Variants in PIGF observed in about 807,000 individuals in gnomAD.
PIGF encodes the protein GPI ethanolamine phosphate transferase, stabilizing subunit.
In PIGF, 23 loss-of-function variants were observed where a neutral mutation model predicts 26.0. That is an observed-to-expected ratio of 0.88 (90% CI 0.64 to 1.25). The LOEUF is 1.25. Among genes scored for constraint, PIGF ranks in the 50% most tolerant of loss-of-function variants. The pLI, the probability that PIGF is intolerant of heterozygous loss-of-function variation, is 0.00. For missense variants in PIGF, 278 were observed against 249.9 expected (o/e 1.11, Z -0.76); for synonymous variants, 93 against 92.6 (o/e 1.00, Z -0.03).
At chr2:46,610,196 T>C (rs1354367780) in intron 4 of PIGF, among the ~76,000 whole-genome samples, 1 of 152,226 alleles carries the variant, frequency 6.6e-6, no homozygotes, top group Non-Finnish European at 1.5e-5. Context: ...CTGTGGTTTT[T>C]ACTGCCCATT....
chr2:46,610,913 T>A (rs2104136050), intron 4 of PIGF, among the ~76,000 whole-genome samples: 1 of 152,336 alleles, frequency 6.6e-6, no homozygotes, highest in East Asian at 1.9e-4. Flanking sequence ...CTCATTGGGC[T>A]GTTACCTTTC....
intron 5 of PIGF, among the ~76,000 whole-genome samples, chr2:46,591,157 G>A (rs1043194318): frequency 6.6e-6 from 1 of 152,052 alleles, no homozygotes; most frequent in African/African-American, 2.4e-5. Flanking sequence ...TGACCTAAAT[G>A]TTCTTTAATA....
chr2:46,608,084 C>A (rs1322992553), intron 4 of PIGF, among the ~76,000 whole-genome samples: 2 of 152,232 alleles, frequency 1.3e-5, no homozygotes, highest in Non-Finnish European at 2.9e-5. Flanking sequence ...TGTAGCGTGC[C>A]ATGCTGTTTG....
chr2:46,586,481 T>A (rs1257946413), intron 5 of PIGF, among the ~76,000 whole-genome samples: 5 of 152,182 alleles, frequency 3.3e-5, no homozygotes, highest in Admixed American at 3.3e-4. Flanking sequence ...AGATTTACAC[T>A]GTCACAGATA....
intron 4 of PIGF, among the ~76,000 whole-genome samples, chr2:46,611,459 G>A (rs1353021523): frequency 6.6e-6 from 1 of 151,126 alleles, no homozygotes; most frequent in African/African-American, 2.4e-5. Context: ...ACTCCAGCCT[G>A]GCGACAGAGC....
rs747263045 is a variant in PIGF at position 46,598,529 on chromosome 2, A to ATTTTTTTT, written c.438-5954_438-5947dup. 2.1e-4 allele frequency among the ~76,000 whole-genome samples: 22 copies of ATTTTTTTT among 103,506 alleles called. 2 individuals are homozygous for ATTTTTTTT. Among genetic ancestry groups the ATTTTTTTT allele is most frequent in the African/African-American group, 8.5e-4 (19 of 22,404 alleles). 67.9% of individuals were successfully genotyped at this position (103,506 alleles called of 152,430 possible). A position where few individuals can be genotyped will look rare whatever the true frequency, so the allele number is the denominator to read the frequency against. On this transcript the variant is annotated intron_variant, in intron 4 of 5. Transcript: ENST00000281382. ...ATAAACTTTCTTAAAACATTATGAG[A>ATTTTTTTT]TTTTTTTTTTTTTTTTTTTTTTTTA... is the stretch of plus-strand genomic sequence containing the variant.
intron 4 of PIGF, among the ~76,000 whole-genome samples, chr2:46,603,298 C>G (rs1216606649): frequency 2.0e-5 from 3 of 152,004 alleles, no homozygotes; most frequent in African/African-American, 7.2e-5. Flanking sequence ...AAGCAATCCA[C>G]AGATTCAATG....
intron 4 of PIGF, among the ~76,000 whole-genome samples, chr2:46,600,979 G>A (rs1387506330): frequency 6.6e-6 from 1 of 151,752 alleles, no homozygotes; most frequent in Admixed American, 6.6e-5. Flanking sequence ...TTGCTTCCAT[G>A]ATAGCATTAC....
chr2:46,591,994 CA>C (rs1669735282), intron 5 of PIGF: 10 of 1,290,744 alleles, frequency 7.7e-6, no homozygotes, highest in Admixed American at 2.3e-5. Flanking sequence ...TATAAGACCA[CA>C]AGGGCAATAA....
intron 4 of PIGF, among the ~76,000 whole-genome samples, chr2:46,605,608 T>C (rs1178427569): frequency 1.3e-5 from 2 of 152,162 alleles, no homozygotes; most frequent in African/African-American, 4.8e-5. Context: ...TCTAATCATA[T>C]TACATATGTG....
At position 46,615,196 on chromosome 2, in the gene PIGF, A is replaced by G. The variant is rs749538592; in HGVS notation, c.-21-11T>C. ...TTCTTGGATGGCTAGCTAACAAAAAACAAGAAAAGAAGAGCATATGCAATA... is the reference window on the plus strand; with the variant it reads ...TTCTTGGATGGCTAGCTAACAAAAAGCAAGAAAAGAAGAGCATATGCAATA... On this transcript the variant is annotated splice_polypyrimidine_tract_variant and intron_variant, in intron 1 of 5. Transcript: ENST00000281382. The G allele has an allele frequency of 9.2e-7, 1 of 1,083,242 alleles. No individual in the cohort carries two copies. Among genetic ancestry groups the G allele is most frequent in the East Asian group, 2.4e-5 (1 of 42,326 alleles). The allele number at this position is 1,083,242 out of a possible 1,614,324, so 67.1% of individuals were successfully genotyped here. A position where few individuals can be genotyped will look rare whatever the true frequency, so the allele number is the denominator to read the frequency against.
intron 5 of PIGF, among the ~76,000 whole-genome samples, chr2:46,586,391 T>A (rs1042742225): frequency 6.6e-6 from 1 of 152,232 alleles, no homozygotes; most frequent in African/African-American, 2.4e-5. Context: ...AAGATTAAAT[T>A]ATTTAATTTT....
intron 5 of PIGF, among the ~76,000 whole-genome samples, chr2:46,586,382 A>G (rs986977089): frequency 1.3e-5 from 2 of 152,218 alleles, no homozygotes; most frequent in Non-Finnish European, 2.9e-5. Context: ...GTGTAAACTA[A>G]GATTAAATTA....
At chr2:46,598,134 C>T (rs891776383) in intron 4 of PIGF, among the ~76,000 whole-genome samples, 1 of 151,710 alleles carries the variant, frequency 6.6e-6, no homozygotes, top group African/African-American at 2.4e-5. Flanking sequence ...TCTCTACTTC[C>T]GTTGAGTATT....
At chr2:46,592,673 T>C in intron 4 of PIGF, 90 bp from the exon 5 acceptor site, 1 of 678,338 alleles carries the variant, frequency 1.5e-6, no homozygotes, top group Admixed American at 2.4e-5. Context: ...TCAGTATACA[T>C]ATATTTCCTG....
intron 4 of PIGF, among the ~76,000 whole-genome samples, chr2:46,602,323 T>C (rs1335102151): frequency 6.6e-6 from 1 of 152,094 alleles, no homozygotes; most frequent in East Asian, 1.9e-4. Context: ...GTAGTTCCTA[T>C]ACAGTTCACA....
chr2:46,590,532 GATTATT>G (rs1669695588), intron 5 of PIGF, among the ~76,000 whole-genome samples: 1 of 8,876 alleles, frequency 1.1e-4, no homozygotes, highest in Non-Finnish European at 2.2e-4. Flanking sequence ...TATACAAAAT[GATTATT>G]ATATCTTACC....
intron 5 of PIGF, among the ~76,000 whole-genome samples, chr2:46,583,326 G>A (rs938886970): frequency 1.1e-4 from 17 of 152,112 alleles, no homozygotes; most frequent in Non-Finnish European, 2.1e-4. Flanking sequence ...ATAAATATGG[G>A]AGGTAGAACA....
intron 5 of PIGF, among the ~76,000 whole-genome samples, chr2:46,586,766 A>T (rs533698644): frequency 6.6e-6 from 1 of 152,340 alleles, no homozygotes; most frequent in Non-Finnish European, 1.5e-5. Flanking sequence ...CTTGAACAGT[A>T]TGTTTTTCCA....
Sources: gnomAD v4.1 joint callset for allele counts (sites outside exome capture counted in the v4.1 genomes callset) on GRCh38, gnomAD v4.1.1 for gene constraint, MANE v1.5 for transcripts, NCBI Gene and HGNC (gene_info 2026-07-23, HGNC 2026-07-21) for gene names.